Variants in GMFG observed in about 807,000 individuals in gnomAD.
GMFG encodes the protein glia maturation factor gamma.
In GMFG, 21 loss-of-function variants were observed where a neutral mutation model predicts 26.1. The ratio of observed to expected loss-of-function variants is 0.80; its 90% confidence interval spans 0.57 to 1.16. GMFG has a LOEUF of 1.16. GMFG is among the 50% of genes most tolerant of loss of function. The probability of loss-of-function intolerance (pLI) is 0.00; values close to 1 mark genes in which losing one functional copy is unlikely to be tolerated. For synonymous variants in GMFG, 65 were observed against 60.8 expected (o/e 1.07, Z -0.32); for missense variants, 161 against 178.3 (o/e 0.90, Z 0.55).
At position 39,333,819 on chromosome 19, in the gene GMFG, G is replaced by A. The variant is rs533266220; in HGVS notation, c.151-693C>T. On this transcript the variant is annotated intron_variant, in intron 3 of 6. Coordinates refer to ENST00000597595, the MANE Select transcript of GMFG (RefSeq NM_004877.4). ...AGAGTTGAGATTTGAATCTGGGTTC[G>A]AATCATAACTGCTTCACTATACTGC... Among the ~76,000 whole-genome samples the A allele has an allele frequency of 3.9e-5, 6 of 152,090 alleles. No individual in the cohort carries two copies. In the East Asian group the frequency reaches 9.7e-4, roughly 25 times the overall value.
rs772969335 is a variant in GMFG, at chr19:39,329,016, G to C, written c.341C>G (p.Thr114Arg). Residue 114 changes from threonine (T) to arginine (R), a missense_variant, in exon 6 of 7, where the codon ACA becomes AGA. Thr to Arg is a moderately conservative substitution (Grantham distance 71). Coordinates refer to ENST00000597595, the MANE Select transcript of GMFG (RefSeq NM_004877.4). ...AGTCTGAACCTTTGTGAGCTCTGCT[G>C]TCTGCACCAGCCTGTTTTTACTCCC... The part of the protein sequence containing the change: ...YAGSKNRLVQ[T>R]AELTKVFEIR... The C allele has an allele frequency of 1.3e-5, 21 of 1,612,778 alleles. No individual in the cohort carries two copies. The highest frequency in any genetic ancestry group is 1.6e-4 in the Middle Eastern group (1 of 6,062).
chr19:39,335,379 C>T (rs760224044), intron 2 of GMFG, 56 bp downstream of exon 2: 14 of 1,584,758 alleles, frequency 8.8e-6, no homozygotes, highest in Non-Finnish European at 1.2e-5. Context: ...CCCAGCCCTC[C>T]CTATCTGCCC....
intron 4 of GMFG, 72 bp from the exon 5 acceptor site, chr19:39,329,698 A>G (rs537482567): frequency 9.9e-5 from 93 of 940,472 alleles, no homozygotes; most frequent in Non-Finnish European, 1.5e-4. Context: ...ACCTGAGTCC[A>G]CAGCCTTGAA....
At chr19:39,332,656 C>CTTTTT (rs59277772) in intron 4 of GMFG, among the ~76,000 whole-genome samples, 26 of 111,264 alleles carry the variant, frequency 2.3e-4, no homozygotes, top group African/African-American at 4.6e-4. Flanking sequence ...CACAGAGATT[C>CTTTTT]TTTTTTTTTT....
chr19:39,329,041 C>T lies in GMFG; in HGVS notation c.316G>A (p.Gly106Arg), dbSNP rs764699609. The change falls in exon 6 of 7, where the codon GGG (glycine) becomes AGG (arginine). Residue 106 changes from glycine to arginine, a missense_variant. Gly to Arg is a moderately radical substitution (Grantham distance 125). Coordinates refer to ENST00000597595, the MANE Select transcript of GMFG (RefSeq NM_004877.4). Reference sequence around the variant, plus strand: ...GTCTGCACCAGCCTGTTTTTACTCCCTGCATACATCATCTGTTGTTCCGGC... The same window carrying T: ...GTCTGCACCAGCCTGTTTTTACTCCTTGCATACATCATCTGTTGTTCCGGC... ...CKPEQQMMYA[G>R]SKNRLVQTAE... The T allele has an allele frequency of 1.2e-5, 19 of 1,613,642 alleles. No homozygotes were observed. The highest frequency in any genetic ancestry group is 1.6e-4 in the Middle Eastern group (1 of 6,082).
At chr19:39,331,130 C>G (rs2075224709) in intron 4 of GMFG, among the ~76,000 whole-genome samples, 1 of 152,168 alleles carries the variant, frequency 6.6e-6, no homozygotes, top group African/African-American at 2.4e-5. Context: ...CACCCTGTAA[C>G]TTGTCAGGCA....
At chr19:39,335,702 G>C in intron 1 of GMFG, 171 bp from the exon 2 acceptor site, 1 of 643,666 alleles carries the variant, frequency 1.6e-6, no homozygotes, top group Non-Finnish European at 2.8e-6. Flanking sequence ...CCCTCACCAG[G>C]GCACTCAGCT....
At chr19:39,335,932 A>G (rs372276903) in intron 1 of GMFG, 42 bp downstream of exon 1, 12 of 1,402,984 alleles carry the variant, frequency 8.6e-6, no homozygotes, top group East Asian at 2.3e-5. Flanking sequence ...CCCAGCCCCA[A>G]CCCCAGCCCC....
At chr19:39,332,989 G>A in intron 4 of GMFG, 88 bp downstream of exon 4, 1 of 864,548 alleles carries the variant, frequency 1.2e-6, no homozygotes, top group Admixed American at 1.9e-5. Context: ...CATGAATAGG[G>A]CTGGAACTCC....
rs771437043 is a variant in GMFG at position 39,333,048 on chromosome 19, T to G, written c.200+29A>C. 4 of 1,542,290 alleles carry G rather than the reference T, an allele frequency of 2.6e-6. No homozygotes were observed. The Admixed American group carries it at 6.7e-5, about 26-fold the overall frequency. On this transcript the variant is annotated intron_variant, in intron 4 of 6. Transcript: ENST00000597595. ...CAACATCACCCCTCCCCTCATGGCC[T>G]GATCCAACCCTTTCTTCCCCCAGGA...
Position 39,329,639 on chromosome 19 carries a change from G to A in GMFG, c.201-13C>T, listed in dbSNP as rs1229398604. The A allele has an allele frequency of 1.9e-6, 3 of 1,565,080 alleles. No individual in the cohort carries two copies. Among genetic ancestry groups the A allele is most frequent in the Non-Finnish European group, 1.8e-6 (2 of 1,135,590 alleles). On this transcript the variant is annotated splice_polypyrimidine_tract_variant and intron_variant, in intron 4 of 6. Transcript: ENST00000597595. ...GTAAACCACGAACCTACCGTGAAAG[G>A]GAATTGAAAATCAGGACTCTGGCCT...
intron 5 of GMFG, 33 bp downstream of exon 5, chr19:39,329,511 C>A (rs898613539): frequency 1.6e-6 from 2 of 1,250,448 alleles, no homozygotes; most frequent in African/African-American, 2.9e-5. Flanking sequence ...GAATCGAAGA[C>A]CCTCTCCTGA....
intron 3 of GMFG, among the ~76,000 whole-genome samples, chr19:39,333,900 A>C (rs1198987584): frequency 6.6e-6 from 1 of 151,540 alleles, no homozygotes; most frequent in Non-Finnish European, 1.5e-5. Context: ...TCCCTTATAA[A>C]TCCTTATCGC....
chr19:39,335,757 C>T (rs2075247190), intron 1 of GMFG, among the ~76,000 whole-genome samples: 1 of 152,154 alleles, frequency 6.6e-6, no homozygotes, highest in South Asian at 2.1e-4. Flanking sequence ...TCCACGGGGA[C>T]TCTTGGGGGA....
intron 6 of GMFG, 91 bp downstream of exon 6, chr19:39,328,909 T>G: frequency 2.2e-6 from 2 of 922,458 alleles, no homozygotes; most frequent in Non-Finnish European, 3.6e-6. Flanking sequence ...CAAAAACCAC[T>G]GAGACAGTGA....
intron 1 of GMFG, 120 bp downstream of exon 1, chr19:39,335,854 G>T: frequency 1.3e-6 from 1 of 754,694 alleles, no homozygotes. Context: ...GTTCACCACA[G>T]TTGGGCCCCC....
intron 4 of GMFG, among the ~76,000 whole-genome samples, chr19:39,329,882 C>G (rs1349487906): frequency 6.6e-6 from 1 of 152,078 alleles, no homozygotes; most frequent in Non-Finnish European, 1.5e-5. Flanking sequence ...AGTTCGAGAC[C>G]AGCCTGGCCA....
rs759481928 is a variant in GMFG at position 39,328,466 on chromosome 19, C to T, written c.*11G>A. The T allele has an allele frequency of 1.3e-6, 2 of 1,593,148 alleles. No homozygotes were observed. Among genetic ancestry groups the T allele is most frequent in the East Asian group, 4.5e-5 (2 of 44,784 alleles). On this transcript the variant is annotated 3_prime_UTR_variant, in exon 7 of 7. Transcript: ENST00000597595. ...ACTCAGACATCAGGAATTCAGTCCC[C>T]AGCCCAGAGATCAACGAAAGAAAGA...
chr19:39,329,493 C>T (rs1240684724), intron 5 of GMFG, 51 bp downstream of exon 5: 1 of 1,054,360 alleles, frequency 9.5e-7, no homozygotes, highest in Non-Finnish European at 1.5e-6. Context: ...CACAAACACA[C>T]ACACACAGAA....
Sources: gnomAD v4.1 joint callset for allele counts (sites outside exome capture counted in the v4.1 genomes callset) on GRCh38, gnomAD v4.1.1 for gene constraint, MANE v1.5 for transcripts, NCBI Gene and HGNC (gene_info 2026-07-23, HGNC 2026-07-21) for gene names.